Variants in KLF8 observed in about 807,000 individuals in gnomAD.
KLF8 encodes KLF transcription factor 8, also known as Krueppel-like factor 8.
A neutral mutation model predicts 18.2 loss-of-function variants in KLF8; 10 were observed. That is an observed-to-expected ratio of 0.55 (90% CI 0.34 to 0.93). The LOEUF is 0.93. Ranked by LOEUF, KLF8 falls within the 40% of genes least tolerant of loss-of-function variation. KLF8 has a pLI of 0.02. For synonymous variants in KLF8, 109 were observed against 97.3 expected (o/e 1.12, Z -0.71); for missense variants, 264 against 277.9 (o/e 0.95, Z 0.36).
the KLF8 span, among the ~76,000 whole-genome samples, chrX:55,989,208 T>C: frequency 8.9e-6 from 1 of 111,900 alleles, no homozygotes; most frequent in Non-Finnish European, 1.9e-5. Context: ...TTCTCCTGCC[T>C]GATTGCCCTG....
the KLF8 span, among the ~76,000 whole-genome samples, chrX:56,016,162 C>T: frequency 1.9e-4 from 21 of 111,706 alleles, no homozygotes; most frequent in Non-Finnish European, 3.4e-4. Flanking sequence ...AACTGTGTGA[C>T]CTTGGGCAAA....
rs2066961804 is a variant in KLF8 at position 56,265,624 on chromosome X, A to G, written c.526A>G (p.Lys176Glu). 3.3e-6 allele frequency: 4 copies of G among 1,209,974 alleles called. No homozygotes were observed. Among genetic ancestry groups the G allele is most frequent in the African/African-American group, 1.7e-5 (1 of 57,242 alleles). The part of the protein sequence containing the change: ...VSLPNKMGGL[K>E]TIPVVVQSLP... ...TCTGCCAAATAAGATGGGTGGCCTG[A>G]AGACCATCCCAGTGGTAGTGCAGTC... Residue 176 changes from lysine to glutamate, a missense_variant, in exon 3 of 6, where the codon AAG becomes GAG. This residue lies in a region of KLF8 where 221 missense variants were observed against 193.6 expected (regional missense o/e 1.14). Transcript: ENST00000468660.
chrX:56,149,366 G>A, the KLF8 span, among the ~76,000 whole-genome samples: 22 of 111,321 alleles, frequency 2.0e-4, no homozygotes, highest in Admixed American at 2.9e-4. Flanking sequence ...TTACATGTAA[G>A]TGGGAGCTAA....
the KLF8 span, among the ~76,000 whole-genome samples, chrX:56,073,266 C>A: frequency 2.7e-5 from 3 of 112,320 alleles, no homozygotes; most frequent in Admixed American, 1.9e-4. Flanking sequence ...GGATTACAGG[C>A]GTGAGCCACT....
intron 5 of KLF8, 25 bp downstream of exon 5, chrX:56,270,346 C>T: frequency 1.3e-6 from 1 of 765,398 alleles, no homozygotes; most frequent in Non-Finnish European, 1.7e-6. Flanking sequence ...ATCTCACCCC[C>T]AACACACACA....
At chrX:56,138,001 A>G in the KLF8 span, among the ~76,000 whole-genome samples, 1 of 92,927 alleles carries the variant, frequency 1.1e-5, no homozygotes, top group Non-Finnish European at 2.1e-5. Context: ...AAAAAACACA[A>G]CCGGAAATGA....
chrX:55,956,991 T>G, the KLF8 span, among the ~76,000 whole-genome samples: 1 of 111,350 alleles, frequency 9.0e-6, no homozygotes, highest in African/African-American at 3.3e-5. Context: ...TCATGAAACT[T>G]TCCCCCAGTG....
intron 5 of KLF8, among the ~76,000 whole-genome samples, chrX:56,282,265 G>C (rs1355556323): frequency 8.9e-6 from 1 of 112,296 alleles, no homozygotes; most frequent in East Asian, 2.8e-4. Flanking sequence ...ACAAGATTTA[G>C]AAAACATAAA....
At chrX:56,102,768 A>C in the KLF8 span, among the ~76,000 whole-genome samples, 1 of 110,289 alleles carries the variant, frequency 9.1e-6, no homozygotes, top group Admixed American at 9.7e-5. Context: ...TTTTTTTATT[A>C]TACTTTAAGT....
the KLF8 span, among the ~76,000 whole-genome samples, chrX:55,958,979 A>G: frequency 9.0e-6 from 1 of 111,552 alleles, no homozygotes; most frequent in African/African-American, 3.3e-5. Flanking sequence ...GGGGCTCACC[A>G]CTGTCCTGCC....
At chrX:56,137,141 T>C in the KLF8 span, among the ~76,000 whole-genome samples, 1 of 109,553 alleles carries the variant, frequency 9.1e-6, no homozygotes, top group African/African-American at 3.3e-5. Flanking sequence ...ATAGGAACAC[T>C]TTTACACTGT....
chrX:56,155,562 A>G, the KLF8 span, among the ~76,000 whole-genome samples: 1 of 111,311 alleles, frequency 9.0e-6, no homozygotes, highest in East Asian at 2.8e-4. Context: ...TATGTAACAA[A>G]CCTTCACTTT....
the KLF8 span, among the ~76,000 whole-genome samples, chrX:56,016,032 A>G: frequency 8.9e-6 from 1 of 111,969 alleles, no homozygotes; most frequent in African/African-American, 3.2e-5. Flanking sequence ...ATAAGCTCTA[A>G]TTGTGAATGC....
chrX:56,013,941 A>T, the KLF8 span, among the ~76,000 whole-genome samples: 1 of 111,686 alleles, frequency 9.0e-6, no homozygotes, highest in East Asian at 2.8e-4. Context: ...TATGCAGAAA[A>T]CTGAAACTGG....
chrX:56,176,319 A>C, the KLF8 span, among the ~76,000 whole-genome samples: 21 of 111,598 alleles, frequency 1.9e-4, no homozygotes, highest in African/African-American at 5.2e-4. Flanking sequence ...ATCTTTCAGC[A>C]TTTGCTTGTC....
chrX:56,152,875 A>G, the KLF8 span, among the ~76,000 whole-genome samples: 3 of 112,268 alleles, frequency 2.7e-5, no homozygotes, highest in Non-Finnish European at 1.9e-5. Context: ...TTCATCACAC[A>G]GGAACAAGCC....
At chrX:56,058,026 T>G in the KLF8 span, among the ~76,000 whole-genome samples, 1 of 103,458 alleles carries the variant, frequency 9.7e-6, no homozygotes, top group Non-Finnish European at 2.0e-5. Flanking sequence ...CAGGAACAAG[T>G]CCCCGCGTGG....
the KLF8 span, among the ~76,000 whole-genome samples, chrX:56,126,794 C>T: frequency 5.9e-5 from 6 of 100,909 alleles, no homozygotes; most frequent in African/African-American, 2.2e-4. Context: ...GCTCTTGTAC[C>T]CAGGCTGGAG....
At chrX:56,276,538 GT>G (rs1182071052) in intron 5 of KLF8, among the ~76,000 whole-genome samples, 1 of 111,362 alleles carries the variant, frequency 9.0e-6, no homozygotes, top group Non-Finnish European at 1.9e-5. Context: ...TAGGGCAAAA[GT>G]TTTTTTCCCT....
Sources: gnomAD v4.1 joint callset for allele counts (sites outside exome capture counted in the v4.1 genomes callset) on GRCh38, gnomAD v4.1.1 for gene constraint, gnomAD v4.1.1 regional missense constraint, MANE v1.5 for transcripts, NCBI Gene and HGNC (gene_info 2026-07-23, HGNC 2026-07-21) for gene names.